Variants in PDE4A observed in about 807,000 individuals in gnomAD.
PDE4A encodes 3',5'-cyclic-AMP phosphodiesterase 4A.
Under a neutral mutation model 73.9 loss-of-function variants are expected in PDE4A, and 21 were observed. The observed-to-expected ratio is 0.28, with a 90% CI of 0.20 to 0.41. PDE4A has a LOEUF of 0.41. Ranked by LOEUF, PDE4A falls within the 10% of genes least tolerant of loss-of-function variation. The probability of loss-of-function intolerance (pLI) is 1.00; values close to 1 mark genes in which losing one functional copy is unlikely to be tolerated. For missense variants in PDE4A, 958 were observed against 1,211.4 expected (o/e 0.79, Z 3.10); for synonymous variants, 463 against 505.4 (o/e 0.92, Z 1.13).
intron 2 of PDE4A, among the ~76,000 whole-genome samples, chr19:10,448,507 A>G (rs189528574): frequency 6.6e-6 from 1 of 151,632 alleles, no homozygotes; most frequent in Non-Finnish European, 1.5e-5. Flanking sequence ...CGAGAGGCAC[A>G]TGCCTGTAAT....
chr19:10,466,787 C>T, intron 14 of PDE4A, 100 bp from the exon 15 acceptor site: 1 of 1,510,626 alleles, frequency 6.6e-7, no homozygotes, highest in Non-Finnish European at 8.8e-7. Context: ...AGCCACCATG[C>T]CCGGCCCATA....
intron 11 of PDE4A, 46 bp from the exon 12 acceptor site, chr19:10,461,480 G>A (rs201346288): frequency 6.2e-7 from 1 of 1,604,436 alleles, no homozygotes; most frequent in Non-Finnish European, 8.5e-7. Context: ...CCTGCGGTTG[G>A]AGCTGCACAC....
chr19:10,449,328 GT>G (rs566191110), intron 4 of PDE4A, among the ~76,000 whole-genome samples, 178 bp downstream of exon 4: 234 of 150,958 alleles, frequency 1.6e-3, no homozygotes, highest in Non-Finnish European at 2.9e-3. Flanking sequence ...ACACAGAGGT[GT>G]TTTTTGTTTG....
chr19:10,459,324 C>T (rs1343997985), intron 8 of PDE4A, 76 bp from the exon 9 acceptor site: 1 of 1,605,556 alleles, frequency 6.2e-7, no homozygotes, highest in East Asian at 2.2e-5. Context: ...CAGACCAAGG[C>T]TTCAAACTCC....
chr19:10,419,676 C>G (rs1568361791), upstream of PDE4A: 1 of 152,612 alleles, frequency 6.6e-6, no homozygotes, highest in Non-Finnish European at 1.5e-5. Flanking sequence ...CATACACTCA[C>G]GCACACGCAC....
Position 10,453,421 on chromosome 19 carries a change from C to CTGGAGAT in PDE4A, c.784-1407_784-1401dup. ...GTGTGCAGCTGTGCACGTGTGTGGC[C>CTGGAGAT]TGGAGATGAAGCCTTGTGACTGTCT... On this transcript the variant is annotated intron_variant, in intron 6 of 14. Coordinates refer to ENST00000380702, the MANE Select transcript of PDE4A (RefSeq NM_001111307.2). The surrounding 1 kb of genome is among the most constrained non-coding windows in gnomAD (Gnocchi z 4.6). 7.0e-7 allele frequency: 1 copy of CTGGAGAT among 1,432,730 alleles called. No individual in the cohort carries two copies. 88.8% of individuals were successfully genotyped at this position (1,432,730 alleles called of 1,614,324 possible).
Position 10,448,896 on chromosome 19 carries a change from T to G in PDE4A, c.513-21T>G, listed in dbSNP as rs199770032. 21 of 1,613,794 alleles carry G rather than the reference T, an allele frequency of 1.3e-5. No homozygotes were observed. The highest frequency in any genetic ancestry group is 2.2e-5 in the East Asian group (1 of 44,878). On this transcript the variant is annotated intron_variant, in intron 2 of 14. Transcript: ENST00000380702. ...GTTGCTTCTCTGCGGACCCCTGACC[T>G]GCCTCTGTCCTCAATCACAGGCACG...
At position 10,420,751 on chromosome 19, in the gene PDE4A, TG is replaced by T; in HGVS notation, c.-9del. 6.5e-7 allele frequency: 1 copy of T among 1,543,548 alleles called. No homozygotes were observed. Among genetic ancestry groups the T allele is most frequent in the Admixed American group, 1.9e-5 (1 of 51,428 alleles). On this transcript the variant is annotated 5_prime_UTR_variant, in exon 1 of 15. Coordinates refer to ENST00000380702, the MANE Select transcript of PDE4A (RefSeq NM_001111307.2). This position sits in a 1 kb window ranked among gnomAD's most constrained non-coding sequence, Gnocchi z 6.0. ...GGGCCAGGGCCCCCTGGGGCGCAAG[TG>T]GGGGCCGGCGCCATGGAACCCCCGA... is the stretch of plus-strand genomic sequence containing the variant.
chr19:10,464,310 C>T (rs2043327672), intron 14 of PDE4A: 1 of 448,160 alleles, frequency 2.2e-6, no homozygotes, highest in Admixed American at 2.5e-5. Flanking sequence ...GTTGGCCAGG[C>T]TGGTCTTGAA....
At position 10,468,946 on chromosome 19, in the gene PDE4A, G is replaced by C. The variant is rs201069524; in HGVS notation, c.*1325G>C. 1 of 152,646 alleles carries C rather than the reference G, an allele frequency of 6.6e-6. No individual in the cohort carries two copies. Among genetic ancestry groups the C allele is most frequent in the Non-Finnish European group, 1.5e-5 (1 of 68,156 alleles). 9.5% of individuals were successfully genotyped at this position (152,646 alleles called of 1,614,324 possible). A position where few individuals can be genotyped will look rare whatever the true frequency, so the allele number is the denominator to read the frequency against. ...CTCGGCCTGGTTCTGCAGCTGGACC[G>C]ACCTCATTCATCGCCTGCCCCCTAC... On this transcript the variant is annotated 3_prime_UTR_variant, in exon 15 of 15. Coordinates refer to ENST00000380702, the MANE Select transcript of PDE4A (RefSeq NM_001111307.2).
In PDE4A at chr19:10,458,134, A is replaced by G. The variant is rs1408069509; in HGVS notation, c.1101+32A>G. 2 of 1,605,366 alleles carry G rather than the reference A, an allele frequency of 1.2e-6. No individual in the cohort carries two copies. The highest frequency in any genetic ancestry group is 2.2e-5 in the South Asian group (2 of 90,868). The stretch of plus-strand genomic sequence containing the variant: ...GGGGGCTCAGTAGGGGCAGGGCTGG[A>G]GGGGGTGGTCTCCTGGGACCCTGAG... On this transcript the variant is annotated intron_variant, in intron 8 of 14. Transcript: ENST00000380702. The surrounding 1 kb of genome is among the most constrained non-coding windows in gnomAD (Gnocchi z 4.6).
chr19:10,460,082 G>A (rs578065362), intron 10 of PDE4A, among the ~76,000 whole-genome samples: 38 of 151,990 alleles, frequency 2.5e-4, no homozygotes, highest in African/African-American at 8.2e-4. Context: ...ATGGCGTTTC[G>A]CCAAGTTGGA....
rs200883436 is a variant in PDE4A, at chr19:10,459,433, A to G, written c.1135A>G (p.Ile379Val). Reference sequence around the variant, plus strand: ...GAACCTGAACAAGTGGGGCCTGAACATCTTTTGCGTGTCGGATTACGCTGG... The same window carrying G: ...GAACCTGAACAAGTGGGGCCTGAACGTCTTTTGCGTGTCGGATTACGCTGG... ...LENLNKWGLNIFCVSDYAGGR... is the reference protein window; with the variant it reads ...LENLNKWGLNVFCVSDYAGGR... The change falls in exon 9 of 15, where the codon ATC (isoleucine) becomes GTC (valine). Residue 379 changes from isoleucine to valine, a missense_variant. Coordinates refer to ENST00000380702, the MANE Select transcript of PDE4A (RefSeq NM_001111307.2). 2.5e-5 allele frequency: 40 copies of G among 1,614,146 alleles called. No individual in the cohort carries two copies. Among genetic ancestry groups the G allele is most frequent in the Non-Finnish European group, 3.4e-5 (40 of 1,180,028 alleles).
intron 1 of PDE4A, among the ~76,000 whole-genome samples, chr19:10,436,827 G>C (rs943630689): frequency 1.3e-5 from 2 of 152,080 alleles, no homozygotes; most frequent in Non-Finnish European, 2.9e-5. Flanking sequence ...ATCACCTGAG[G>C]TCAGGAGTTC....
At chr19:10,417,981 G>A, upstream of PDE4A, 1 of 1,192,328 alleles carries the variant, frequency 8.4e-7, no homozygotes, top group South Asian at 1.5e-5. Context: ...TGCAAAACTA[G>A]CTGCAACTTG....
intron 1 of PDE4A, among the ~76,000 whole-genome samples, chr19:10,423,484 A>C (rs992820141): frequency 3.9e-5 from 6 of 151,908 alleles, no homozygotes; most frequent in Admixed American, 3.3e-4. Flanking sequence ...TTCTCACCCA[A>C]ACTCACACAA....
intron 10 of PDE4A, 66 bp downstream of exon 10, chr19:10,459,825 G>A: frequency 1.3e-6 from 2 of 1,515,666 alleles, no homozygotes; most frequent in Non-Finnish European, 1.8e-6. Context: ...AGCCTCCTGT[G>A]TGTCTCTCTG....
chr19:10,435,561 AACACACACACACAC>A (rs35022243), intron 1 of PDE4A, among the ~76,000 whole-genome samples: 3 of 145,446 alleles, frequency 2.1e-5, no homozygotes, highest in South Asian at 2.2e-4. Flanking sequence ...ACCCTGTATC[AACACACACACACAC>A]ACACACACAC....
upstream of PDE4A, chr19:10,419,033 T>C: frequency 5.2e-6 from 5 of 954,238 alleles, no homozygotes; most frequent in Non-Finnish European, 6.2e-6. Flanking sequence ...GAAAAGTGGC[T>C]GTGGGGGTTG....
Sources: allele counts gnomAD v4.1 joint callset (sites outside exome capture counted in the v4.1 genomes callset), GRCh38; gene constraint gnomAD v4.1.1; non-coding constraint Gnocchi (gnomAD v3.1); transcripts MANE v1.5; gene names NCBI Gene and HGNC (gene_info 2026-07-23, HGNC 2026-07-21).